Variants in CRISPLD1 observed in about 807,000 individuals in gnomAD.
CRISPLD1 encodes cysteine rich secretory protein LCCL domain containing 1.
CRISPLD1 carries 60 observed loss-of-function variants against 77.5 expected under a neutral mutation model. The observed-to-expected ratio is 0.77, with a 90% CI of 0.63 to 0.96. CRISPLD1 has a LOEUF of 0.96. Ranked by LOEUF, CRISPLD1 falls within the 40% of genes least tolerant of loss-of-function variation. The pLI, the probability that CRISPLD1 is intolerant of heterozygous loss-of-function variation, is 0.00. For missense variants in CRISPLD1, 623 were observed against 615.8 expected (o/e 1.01, Z -0.12); for synonymous variants, 195 against 200.1 (o/e 0.97, Z 0.22).
chr8:75,008,459 C>G (rs552481679), intron 2 of CRISPLD1, among the ~76,000 whole-genome samples: 1 of 152,102 alleles, frequency 6.6e-6, no homozygotes, highest in East Asian at 1.9e-4. Flanking sequence ...TATGTTGTAG[C>G]TTTAACAAAT....
Position 75,011,208 on chromosome 8 carries a change from C to T in CRISPLD1, c.259-1225C>T, listed in dbSNP as rs954644252. Among the ~76,000 whole-genome samples, 8 of 150,968 alleles carry T rather than the reference C, an allele frequency of 5.3e-5. 1 individual carries two copies. In the Middle Eastern group the frequency reaches 0.01, roughly 193 times the overall value. ...GTTACATATGTATACATGTGCCATG[C>T]TGGTGTGCTGCACCCATTAACTCGT... On this transcript the variant is annotated intron_variant, in intron 2 of 14. Transcript: ENST00000262207.
chr8:75,032,417 G>A lies in CRISPLD1; in HGVS notation c.*175G>A, dbSNP rs1813367612. 4.7e-6 allele frequency: 2 copies of A among 429,962 alleles called. No individual in the cohort carries two copies. Among genetic ancestry groups the A allele is most frequent in the Non-Finnish European group, 8.4e-6 (2 of 236,938 alleles). 26.6% of individuals were successfully genotyped at this position (429,962 alleles called of 1,614,324 possible). On this transcript the variant is annotated 3_prime_UTR_variant, in exon 15 of 15. Coordinates refer to ENST00000262207, the MANE Select transcript of CRISPLD1 (RefSeq NM_031461.6). Reference sequence around the variant, plus strand: ...CTATAAAATAAAACATGGGACATTAGCTTTGGGAAAAGTAATGAAAATATA... The same window carrying A: ...CTATAAAATAAAACATGGGACATTAACTTTGGGAAAAGTAATGAAAATATA...
chr8:74,999,304 T>G (rs2128782229), intron 2 of CRISPLD1, among the ~76,000 whole-genome samples: 1 of 152,340 alleles, frequency 6.6e-6, no homozygotes, highest in East Asian at 1.9e-4. Context: ...CACAGTCTAT[T>G]TAGTAAGCCA....
Position 75,017,329 on chromosome 8 carries a change from A to T in CRISPLD1, c.1006A>T (p.Ile336Phe). 1.2e-6 allele frequency: 2 copies of T among 1,608,794 alleles called. No homozygotes were observed. The highest frequency in any genetic ancestry group is 1.7e-6 in the Non-Finnish European group (2 of 1,178,630). Residue 336 changes from isoleucine to phenylalanine, a missense_variant, in exon 10 of 15, where the codon ATC becomes TTC. By Grantham distance (21) the Ile-to-Phe change is conservative. Transcript: ENST00000262207. ...CCTCCTTTTTTCCAAGCAATCCAGCATCTGTAGAGCTGCAATTCATTATGG... is the reference window on the plus strand; with the variant it reads ...CCTCCTTTTTTCCAAGCAATCCAGCTTCTGTAGAGCTGCAATTCATTATGG... ...GSVHYEMQSS[I>F]CRAAIHYGII... is the part of the protein sequence containing the mutation.
At chr8:74,993,909 G>C (rs892534401) in intron 2 of CRISPLD1, among the ~76,000 whole-genome samples, 3 of 152,190 alleles carry the variant, frequency 2.0e-5, no homozygotes, top group Non-Finnish European at 4.4e-5. Context: ...CAGCCAGGGT[G>C]CCCATGTGGC....
chr8:75,019,748 G>A (rs781105218), intron 10 of CRISPLD1, 122 bp from the exon 11 acceptor site: 2 of 699,238 alleles, frequency 2.9e-6, no homozygotes, highest in East Asian at 2.6e-5. Context: ...ATTGCTACTT[G>A]TCTATTTTAG....
At chr8:75,024,330 T>TTGC (rs1046080326) in intron 12 of CRISPLD1, among the ~76,000 whole-genome samples, 27 of 134,994 alleles carry the variant, frequency 2.0e-4, no homozygotes, top group African/African-American at 7.9e-4. Flanking sequence ...GTTGTTGTTG[T>TTGC]TTTGTTTTGT....
At chr8:75,013,756 T>C (rs75809736) in intron 4 of CRISPLD1, among the ~76,000 whole-genome samples, 11,351 of 152,220 alleles carry the variant, frequency 0.075, 461 homozygotes, top group South Asian at 0.091. Context: ...CATTTGAAAA[T>C]GCTTGCATTT....
At chr8:75,010,798 C>T (rs1447562097) in intron 2 of CRISPLD1, among the ~76,000 whole-genome samples, 5 of 151,112 alleles carry the variant, frequency 3.3e-5, no homozygotes, top group South Asian at 2.1e-4. Context: ...CTTTTTTATT[C>T]GTCTTCTCAT....
At chr8:75,002,371 A>G (rs960368053) in intron 2 of CRISPLD1, among the ~76,000 whole-genome samples, 1 of 148,222 alleles carries the variant, frequency 6.7e-6, no homozygotes, top group African/African-American at 2.5e-5. Context: ...AAGATCTAGT[A>G]TGTGTCAGGT....
In CRISPLD1 at chr8:75,016,615, G is replaced by A; in HGVS notation, c.778G>A (p.Glu260Lys). The change falls in exon 7 of 15, where the codon GAA (glutamate) becomes AAA (lysine). Residue 260 changes from glutamate (E) to lysine (K), a missense_variant. Transcript: ENST00000262207. Reference sequence around the variant, plus strand: ...TCGAGAAGAGGAAACAAATGAAATAGAACGACAGCAGTCACAAGTCCATGA... The same window carrying A: ...TCGAGAAGAGGAAACAAATGAAATAAAACGACAGCAGTCACAAGTCCATGA... ...PPREEETNEI[E>K]RQQSQVHDTH... 6.2e-7 allele frequency: 1 copy of A among 1,613,520 alleles called. No individual in the cohort carries two copies. The highest frequency in any genetic ancestry group is 1.7e-4 in the Middle Eastern group (1 of 6,058).
chr8:75,022,180 C>T (rs1813147068), intron 12 of CRISPLD1, among the ~76,000 whole-genome samples: 1 of 151,962 alleles, frequency 6.6e-6, no homozygotes, highest in Non-Finnish European at 1.5e-5. Context: ...CATAATAAAT[C>T]CATAGAAATG....
In CRISPLD1 at chr8:74,986,011, G is replaced by T; in HGVS notation, c.24G>T (p.Trp8Cys). The change falls in exon 2 of 15, where the codon TGG (tryptophan) becomes TGT (cysteine). Residue 8 changes from tryptophan (W) to cysteine (C), a missense_variant. Physicochemically the swap from Trp to Cys is radical, Grantham distance 215. Coordinates refer to ENST00000262207, the MANE Select transcript of CRISPLD1 (RefSeq NM_031461.6). Reference sequence around the variant, plus strand: ...TTATGAAGTGTACCGCGCGGGAGTGGCTCAGAGTAACCACAGTGCTGTTCA... The same window carrying T: ...TTATGAAGTGTACCGCGCGGGAGTGTCTCAGAGTAACCACAGTGCTGTTCA... MKCTARE[W>C]LRVTTVLFMA... 6.2e-7 allele frequency: 1 copy of T among 1,614,130 alleles called. No individual in the cohort carries two copies. The highest frequency in any genetic ancestry group is 8.5e-7 in the Non-Finnish European group (1 of 1,180,002).
rs753799601 is a variant in CRISPLD1, at chr8:75,013,025, A to T, written c.510+3A>T. On this transcript the variant is annotated splice_donor_region_variant and intron_variant, in intron 4 of 14. Coordinates refer to ENST00000262207, the MANE Select transcript of CRISPLD1 (RefSeq NM_031461.6). ...CTGTATGTACACATTATACACAGGT[A>T]TGTTTGGGGGGTATTATACTTAATT... 6.3e-7 allele frequency: 1 copy of T among 1,579,254 alleles called. No individual in the cohort carries two copies. The highest frequency in any genetic ancestry group is 1.2e-5 in the South Asian group (1 of 85,076).
At position 75,014,945 on chromosome 8, in the gene CRISPLD1, A is replaced by T. The variant is rs563513465; in HGVS notation, c.727+33A>T. The T allele has an allele frequency of 7.2e-5, 102 of 1,421,296 alleles. No homozygotes were observed. The South Asian group carries it at 1.3e-3, about 18-fold the overall frequency. The allele number at this position is 1,421,296 out of a possible 1,614,324, so 88.0% of individuals were successfully genotyped here. A position where few individuals can be genotyped will look rare whatever the true frequency, so the allele number is the denominator to read the frequency against. On this transcript the variant is annotated intron_variant, in intron 6 of 14. Coordinates refer to ENST00000262207, the MANE Select transcript of CRISPLD1 (RefSeq NM_031461.6). ...CTATTGTGTTGTGGTATTCATGTTGATTTATATTTTAATCCAGCTCCTGCA... is the reference window on the plus strand; with the variant it reads ...CTATTGTGTTGTGGTATTCATGTTGTTTTATATTTTAATCCAGCTCCTGCA...
In CRISPLD1 at chr8:74,984,546, G is replaced by C. The variant is rs1255369578; in HGVS notation, c.-437G>C. Reference sequence around the variant, plus strand: ...TGGTTCTGCGCGTACTGGCTGTACGGAGCAGGAGCAAGAGGTCGCCGCCAG... The same window carrying C: ...TGGTTCTGCGCGTACTGGCTGTACGCAGCAGGAGCAAGAGGTCGCCGCCAG... On this transcript the variant is annotated 5_prime_UTR_variant, in exon 1 of 15. Transcript: ENST00000262207. 6.6e-6 allele frequency: 1 copy of C among 152,510 alleles called. No homozygotes were observed. The highest frequency in any genetic ancestry group is 2.4e-5 in the African/African-American group (1 of 41,444). 9.4% of individuals were successfully genotyped at this position (152,510 alleles called of 1,614,324 possible). A position where few individuals can be genotyped will look rare whatever the true frequency, so the allele number is the denominator to read the frequency against.
intron 2 of CRISPLD1, among the ~76,000 whole-genome samples, chr8:75,002,640 A>G (rs908838627): frequency 6.6e-6 from 1 of 151,906 alleles, no homozygotes; most frequent in Non-Finnish European, 1.5e-5. Flanking sequence ...GTTGTGTGAG[A>G]GGACCCAGTC....
intron 2 of CRISPLD1, among the ~76,000 whole-genome samples, chr8:74,998,105 C>T (rs1812672883): frequency 6.6e-6 from 1 of 152,086 alleles, no homozygotes; most frequent in Non-Finnish European, 1.5e-5. Flanking sequence ...GAAAATATAA[C>T]TTATTCTAAC....
rs201996943 is a variant in CRISPLD1 at position 75,004,694 on chromosome 8, CT to C, written c.259-7738del. 9.3e-3 allele frequency among the ~76,000 whole-genome samples: 1,412 copies of C among 152,122 alleles called. 21 individuals carry two copies. The highest frequency in any genetic ancestry group is 0.032 in the African/African-American group (1,326 of 41,502). On this transcript the variant is annotated intron_variant, in intron 2 of 14. Transcript: ENST00000262207. ...GAAATAAGATGGATGATTTACAAACCTGTTTTATTTCAGAAGTGGTAGCATA... is the reference window on the plus strand; with the variant it reads ...GAAATAAGATGGATGATTTACAAACCGTTTTATTTCAGAAGTGGTAGCATA...
Sources: allele counts gnomAD v4.1 joint callset (sites outside exome capture counted in the v4.1 genomes callset), GRCh38; gene constraint gnomAD v4.1.1; transcripts MANE v1.5; gene names NCBI Gene and HGNC (gene_info 2026-07-23, HGNC 2026-07-21).